Variants in FYB1 observed in about 807,000 individuals in gnomAD.
FYB1 encodes the protein FYN-binding protein 1.
In FYB1, 41 loss-of-function variants were observed where a neutral mutation model predicts 94.1. The observed-to-expected ratio is 0.44, with a 90% CI of 0.34 to 0.57. The LOEUF (loss-of-function observed/expected upper bound fraction) is 0.57, where lower values mean the gene tolerates loss of function less well. FYB1 is among the 20% of genes least tolerant of loss of function. The pLI is 0.02. For missense variants in FYB1, 1,050 were observed against 976.8 expected (o/e 1.07, Z -1.00); for synonymous variants, 367 against 353.2 (o/e 1.04, Z -0.44).
At chr5:39,268,567 A>T (rs1347806062) in intron 1 of FYB1, among the ~76,000 whole-genome samples, 1 of 148,242 alleles carries the variant, frequency 6.7e-6, no homozygotes, top group Non-Finnish European at 1.5e-5. Flanking sequence ...AATATGTGTT[A>T]TTTTTTTTTT....
At chr5:39,230,252 T>C (rs901994959) in intron 1 of FYB1, among the ~76,000 whole-genome samples, 25 of 152,336 alleles carry the variant, frequency 1.6e-4, no homozygotes, top group East Asian at 1.2e-3. Context: ...TGGAAGCAGA[T>C]GGCAGGAAGG....
rs1040014223 is a variant in FYB1 at position 39,202,724 on chromosome 5, C to T, written c.237G>A (p.Lys79=). ...CTCCAGTGGGCTTTAGAAACGGGGG[C>T]TTGGGTTCCTTGTCAGGCTTTTCCT... ...SSEEKPDKEP[K]PPFLKPTGAG... Residue 79 remains lysine (K), a synonymous_variant, in exon 2 of 19, where the codon AAG becomes AAA. Transcript: ENST00000512982. The T allele has an allele frequency of 1.2e-6, 2 of 1,613,738 alleles. No homozygotes were observed. Among genetic ancestry groups the T allele is most frequent in the African/African-American group, 2.7e-5 (2 of 74,874 alleles).
intron 1 of FYB1, among the ~76,000 whole-genome samples, chr5:39,236,684 T>C (rs892056537): frequency 2.0e-5 from 3 of 152,132 alleles, no homozygotes; most frequent in Non-Finnish European, 4.4e-5. Flanking sequence ...TATCACAAGA[T>C]AGCAAGTTAT....
chr5:39,174,209 T>G (rs1289642781), intron 2 of FYB1, among the ~76,000 whole-genome samples: 1 of 152,172 alleles, frequency 6.6e-6, no homozygotes, highest in African/African-American at 2.4e-5. Flanking sequence ...TCTTTGTAGC[T>G]ATTGTAAATG....
intron 2 of FYB1, among the ~76,000 whole-genome samples, chr5:39,154,878 C>T (rs6882629): frequency 0.1 from 15,682 of 152,204 alleles, 1,254 homozygotes; most frequent in East Asian, 0.4. Context: ...AAGCGTGAGC[C>T]ACCTCGCCCG....
At chr5:39,170,205 G>C (rs1223845869) in intron 2 of FYB1, 1 of 829,354 alleles carries the variant, frequency 1.2e-6, no homozygotes, top group Non-Finnish European at 2.1e-6. Flanking sequence ...GTTCAGTATA[G>C]TCAGTATTTT....
intron 1 of FYB1, among the ~76,000 whole-genome samples, chr5:39,228,605 T>C (rs570450827): frequency 7.7e-4 from 118 of 152,332 alleles, no homozygotes; most frequent in African/African-American, 2.6e-3. Context: ...TTGACTACTA[T>C]TGAATATTAG....
intron 1 of FYB1, among the ~76,000 whole-genome samples, chr5:39,257,062 G>A (rs1255362193): frequency 6.6e-6 from 1 of 152,166 alleles, no homozygotes; most frequent in Non-Finnish European, 1.5e-5. Flanking sequence ...ATCAGATTCA[G>A]CAGATGTTAA....
rs191708951 is a variant in FYB1, at chr5:39,261,412, G to A, written c.-28+12991C>T. Among the ~76,000 whole-genome samples, 67 of 150,706 alleles carry A rather than the reference G, an allele frequency of 4.4e-4. No homozygotes were observed. The East Asian group carries it at 0.011, about 25-fold the overall frequency. ...CAGCAGGCAAGAGTTATGTGTACCC[G>A]TGCAAGAAGATATATGAATCCAGAG... On this transcript the variant is annotated intron_variant, in intron 1 of 1. Transcript: ENST00000510188.
intron 2 of FYB1, among the ~76,000 whole-genome samples, chr5:39,155,586 G>GTCACT (rs1433198780): frequency 1.3e-5 from 2 of 152,220 alleles, no homozygotes; most frequent in African/African-American, 4.8e-5. Context: ...TATAATTTCT[G>GTCACT]TCACTACATT....
rs1262898570 is a variant in FYB1, at chr5:39,110,358, G to C, written c.2433C>G (p.Asp811Glu). Residue 811 changes from aspartate to glutamate, a missense_variant and splice_region_variant, in exon 17 of 19, where the codon GAC becomes GAG. By Grantham distance (45) the Asp-to-Glu change is conservative (BLOSUM62 2). Coordinates refer to ENST00000512982, the MANE Select transcript of FYB1 (RefSeq NM_001465.6). ...YGYVLRSYLA[D>E]NDGEIYDDIA... ...GTAGTAGAAGAAAATGGGCTTACTT[G>C]TCCGCTAGGTAACTCCGAAGGACAT... 6.3e-6 allele frequency: 10 copies of C among 1,592,626 alleles called. 1 individual carries two copies.
chr5:39,136,867 T>C (rs1741719619), intron 7 of FYB1, among the ~76,000 whole-genome samples: 1 of 152,310 alleles, frequency 6.6e-6, no homozygotes, highest in Middle Eastern at 3.4e-3. Context: ...GTGAATTCTT[T>C]TTGAAAGAAT....
intron 1 of FYB1, among the ~76,000 whole-genome samples, chr5:39,226,537 A>C (rs1469127057): frequency 6.6e-6 from 1 of 152,058 alleles, no homozygotes; most frequent in Non-Finnish European, 1.5e-5. Context: ...ACCCTTTGTT[A>C]ATCCACCCTT....
At chr5:39,142,175 C>G (rs1373543758) in intron 3 of FYB1, among the ~76,000 whole-genome samples, 1 of 152,134 alleles carries the variant, frequency 6.6e-6, no homozygotes, top group Non-Finnish European at 1.5e-5. Context: ...GCTGTATCCC[C>G]CCTGCTTTTC....
At chr5:39,138,441 C>T (rs1741857611) in intron 6 of FYB1, 5 of 413,320 alleles carry the variant, frequency 1.2e-5, no homozygotes. Context: ...ATGTCTCTGG[C>T]CTCTCACACA....
chr5:39,223,109 TTAAAA>T (rs1351432198), upstream of FYB1, among the ~76,000 whole-genome samples: 27 of 151,820 alleles, frequency 1.8e-4, no homozygotes, highest in East Asian at 4.6e-3. Context: ...ACCCTGGAAC[TTAAAA>T]TAAAATAAAA....
At chr5:39,189,315 T>A (rs1256485701) in intron 2 of FYB1, among the ~76,000 whole-genome samples, 2 of 150,040 alleles carry the variant, frequency 1.3e-5, no homozygotes, top group Admixed American at 6.7e-5. Flanking sequence ...GACTGTCACA[T>A]CAATTTGGGA....
intron 1 of FYB1, among the ~76,000 whole-genome samples, chr5:39,227,531 G>A (rs1236000185): frequency 1.3e-5 from 2 of 152,192 alleles, no homozygotes; most frequent in African/African-American, 4.8e-5. Flanking sequence ...AGATGAAAGG[G>A]ATATAGATGT....
At chr5:39,144,480 A>G (rs1742465994) in intron 3 of FYB1, among the ~76,000 whole-genome samples, 1 of 152,178 alleles carries the variant, frequency 6.6e-6, no homozygotes, top group Non-Finnish European at 1.5e-5. Context: ...AATTAAAAAA[A>G]GACATGGAGA....
Sources: allele counts gnomAD v4.1 joint callset (sites outside exome capture counted in the v4.1 genomes callset), GRCh38; gene constraint gnomAD v4.1.1; transcripts MANE v1.5; gene names NCBI Gene and HGNC (gene_info 2026-07-23, HGNC 2026-07-21).